ZMAT5: variants seen among roughly 807,000 people sequenced by gnomAD.
The protein encoded by ZMAT5 is zinc finger matrin-type protein 5.
ZMAT5 carries 23 observed loss-of-function variants against 28.0 expected under a neutral mutation model. The ratio of observed to expected loss-of-function variants is 0.82; its 90% CI spans 0.59 to 1.16. ZMAT5 has a LOEUF of 1.16. Among genes scored for constraint, ZMAT5 ranks in the 50% most tolerant of loss-of-function variants. ZMAT5 has a pLI of 0.00. For missense variants in ZMAT5, 173 were observed against 212.7 expected, an observed-to-expected ratio of 0.81 and a Z score of 1.16; for synonymous variants, 76 against 84.1, an observed-to-expected ratio of 0.90 and a Z score of 0.52.
chr22:29,734,022 G>A (rs1396837517), intron 5 of ZMAT5, among the ~76,000 whole-genome samples: 6 of 152,296 alleles, frequency 3.9e-5, no homozygotes, highest in East Asian at 1.9e-4. Flanking sequence ...TCCCAGCCGC[G>A]GTCCTAATCA....
intron 5 of ZMAT5, among the ~76,000 whole-genome samples, chr22:29,733,049 C>T (rs2067867412): frequency 1.3e-5 from 2 of 152,226 alleles, no homozygotes; most frequent in African/African-American, 4.8e-5. Context: ...TCAGGCGAAC[C>T]CCATTTTATA....
At chr22:29,757,569 T>C (rs2068114856) in intron 1 of ZMAT5, among the ~76,000 whole-genome samples, 1 of 152,244 alleles carries the variant, frequency 6.6e-6, no homozygotes, top group African/African-American at 2.4e-5. Context: ...TCACACACGC[T>C]TGTGCATGTT....
At chr22:29,743,606 T>C (rs533440404) in intron 2 of ZMAT5, among the ~76,000 whole-genome samples, 2 of 152,128 alleles carry the variant, frequency 1.3e-5, no homozygotes, top group Admixed American at 6.5e-5. Flanking sequence ...AATTTTTTAA[T>C]TTTTTTGTAG....
chr22:29,745,824 C>T (rs138855195), intron 2 of ZMAT5, among the ~76,000 whole-genome samples: 49 of 152,354 alleles, frequency 3.2e-4, no homozygotes, highest in Non-Finnish European at 5.3e-4. Context: ...TTCATTCACA[C>T]GGTATATCCG....
At chr22:29,765,819 G>C (rs2068204356) in intron 1 of ZMAT5, among the ~76,000 whole-genome samples, 1 of 152,150 alleles carries the variant, frequency 6.6e-6, no homozygotes, top group Non-Finnish European at 1.5e-5. Context: ...AGTAAGCCGA[G>C]ATAGCACCAC....
At chr22:29,741,609 C>T (rs1383723967) in intron 3 of ZMAT5, among the ~76,000 whole-genome samples, 2 of 152,158 alleles carry the variant, frequency 1.3e-5, no homozygotes, top group Admixed American at 1.3e-4. Flanking sequence ...TTATTTGTAT[C>T]TGTCTTTGGT....
intron 2 of ZMAT5, chr22:29,746,605 A>C (rs770455977): frequency 6.6e-6 from 1 of 152,558 alleles, no homozygotes. Context: ...TTTTGAAGTC[A>C]CCACCTGTAA....
In ZMAT5 at chr22:29,748,560, G is replaced by A; in HGVS notation, c.-16C>T. The A allele has an allele frequency of 6.2e-7, 1 of 1,613,940 alleles. No individual in the cohort carries two copies. Among genetic ancestry groups the A allele is most frequent in the Non-Finnish European group, 8.5e-7 (1 of 1,180,010 alleles). On this transcript the variant is annotated 5_prime_UTR_variant, in exon 2 of 6. Transcript: ENST00000344318. ...GCTTCCCCATGGCCACTCAGAGCAG[G>A]TGCTTTGCTGCCTGGGAAGCCACAA...
chr22:29,763,471 G>A (rs985238948), intron 1 of ZMAT5, among the ~76,000 whole-genome samples: 24 of 143,460 alleles, frequency 1.7e-4, no homozygotes, highest in South Asian at 1.1e-3. Context: ...GTGTGGTGGC[G>A]GGCGCCTGTA....
chr22:29,764,321 G>T (rs943791326), intron 1 of ZMAT5, among the ~76,000 whole-genome samples: 23 of 152,156 alleles, frequency 1.5e-4, no homozygotes, highest in Non-Finnish European at 2.8e-4. Flanking sequence ...GGGGCTCCCA[G>T]GATGCTTTGC....
At chr22:29,763,990 T>G (rs182428011) in intron 1 of ZMAT5, among the ~76,000 whole-genome samples, 1 of 151,634 alleles carries the variant, frequency 6.6e-6, no homozygotes, top group East Asian at 1.9e-4. Flanking sequence ...AGCATGGTGG[T>G]GCACACCTGT....
intron 1 of ZMAT5, among the ~76,000 whole-genome samples, chr22:29,760,405 G>A (rs1004972429): frequency 6.6e-6 from 1 of 151,176 alleles, no homozygotes; most frequent in South Asian, 2.1e-4. Flanking sequence ...TTAGCTCAGC[G>A]TGGTGGTGCA....
intron 5 of ZMAT5, 83 bp from the exon 6 acceptor site, chr22:29,731,437 C>G (rs1601711336): frequency 1.3e-6 from 2 of 1,492,848 alleles, no homozygotes; most frequent in African/African-American, 2.9e-5. Context: ...TGCCTCACCA[C>G]CCTGGCTGTG....
rs780169047 is a variant in ZMAT5 at position 29,740,646 on chromosome 22, G to A, written c.271+4C>T. 1.1e-5 allele frequency: 18 copies of A among 1,597,034 alleles called. No homozygotes were observed. The highest frequency in any genetic ancestry group is 4.5e-5 in the East Asian group (2 of 44,466). On this transcript the variant is annotated splice_donor_region_variant and intron_variant, in intron 4 of 5. Transcript: ENST00000344318. Reference sequence around the variant, plus strand: ...CGCTTAGCCCAGGGCATCCCGAGACGTACCCTCCACCTGGATGCTCAGCTC... The same window carrying A: ...CGCTTAGCCCAGGGCATCCCGAGACATACCCTCCACCTGGATGCTCAGCTC...
chr22:29,757,518 T>A (rs1237704874), intron 1 of ZMAT5, among the ~76,000 whole-genome samples: 1 of 152,224 alleles, frequency 6.6e-6, no homozygotes, highest in Admixed American at 6.5e-5. Flanking sequence ...AAATCATGCA[T>A]GCTAGCTGCT....
At chr22:29,766,250 C>T (rs763233264) in intron 1 of ZMAT5, among the ~76,000 whole-genome samples, 3 of 152,186 alleles carry the variant, frequency 2.0e-5, no homozygotes, top group African/African-American at 7.2e-5. Flanking sequence ...TACTTCTTTC[C>T]CTCAAACATC....
intron 2 of ZMAT5, 149 bp downstream of exon 2, chr22:29,748,269 C>T: frequency 2.6e-6 from 3 of 1,139,260 alleles, no homozygotes; most frequent in Non-Finnish European, 3.9e-6. Context: ...CAGCCTGCTC[C>T]TCTGAGGGCC....
intron 1 of ZMAT5, among the ~76,000 whole-genome samples, chr22:29,766,198 C>T (rs2068210082): frequency 6.6e-6 from 1 of 152,168 alleles, no homozygotes; most frequent in Non-Finnish European, 1.5e-5. Flanking sequence ...GTTCCAAGGC[C>T]AGACATGAGC....
intron 1 of ZMAT5, among the ~76,000 whole-genome samples, chr22:29,751,191 G>C (rs2068052871): frequency 6.6e-6 from 1 of 152,162 alleles, no homozygotes; most frequent in African/African-American, 2.4e-5. Flanking sequence ...GGGACAGGGA[G>C]GGTGGTTCTC....
Sources: gnomAD v4.1 joint callset for allele counts (sites outside exome capture counted in the v4.1 genomes callset) on GRCh38, gnomAD v4.1.1 for gene constraint, MANE v1.5 for transcripts, NCBI Gene and HGNC (gene_info 2026-07-23, HGNC 2026-07-21) for gene names.